Variants in MAP2K3 observed in about 807,000 individuals in gnomAD.
MAP2K3 encodes the protein dual specificity mitogen-activated protein kinase kinase 3.
A neutral mutation model predicts 46.4 loss-of-function variants in MAP2K3; 30 were observed. That is an observed-to-expected ratio of 0.65 (90% CI 0.48 to 0.88). MAP2K3 has a LOEUF of 0.88. MAP2K3 is among the 40% of genes least tolerant of loss of function. The pLI is 0.00. For missense variants in MAP2K3, 380 were observed against 464.5 expected (o/e 0.82, Z 1.67); for synonymous variants, 189 against 176.3 (o/e 1.07, Z -0.57).
At chr17:21,314,095 C>T (rs1597509812) in intron 11 of MAP2K3, 52 bp from the exon 12 acceptor site, 2 of 1,441,230 alleles carry the variant, frequency 1.4e-6, no homozygotes, top group Non-Finnish European at 2.0e-6. Context: ...AGAGTGGCCA[C>T]CTCTCCCTCC....
At chr17:21,311,068 C>T (rs1224309116) in intron 9 of MAP2K3, among the ~76,000 whole-genome samples, 25 of 152,292 alleles carry the variant, frequency 1.6e-4, no homozygotes, top group East Asian at 7.7e-4. Flanking sequence ...TGCACACACA[C>T]GCAGTGGGCC....
rs987649419 is a variant in MAP2K3, at chr17:21,290,823, C to T, written c.49+5854C>T. 7.2e-5 allele frequency among the ~76,000 whole-genome samples: 11 copies of T among 152,420 alleles called. No individual in the cohort carries two copies. In the East Asian group the frequency reaches 7.7e-4, roughly 11 times the overall value. ...AAGATTAGCTGGGCATGGTGGCACA[C>T]GTCTGTAGTCTCAGCTACTCAGGAG... On this transcript the variant is annotated intron_variant, in intron 1 of 11. Transcript: ENST00000342679.
chr17:21,295,917 G>A, intron 1 of MAP2K3: 2 of 1,263,638 alleles, frequency 1.6e-6, no homozygotes, highest in South Asian at 2.5e-5. Context: ...ACAGGGAAAG[G>A]GTGGGACTCA....
chr17:21,304,475 G>A lies in MAP2K3; in HGVS notation c.618G>A (p.Met206Ile), dbSNP rs763652051. The A allele has an allele frequency of 9.9e-6, 16 of 1,614,306 alleles. No individual in the cohort carries two copies. The highest frequency in any genetic ancestry group is 1.4e-5 in the Non-Finnish European group (16 of 1,180,046). ...TCAACAAGGAGGGCCATGTGAAGAT[G>A]TGTGACTTTGGCATCAGTGGCTACT... ...VLINKEGHVK[M>I]CDFGISGYLV... The change falls in exon 8 of 12, where the codon ATG becomes ATA. Residue 206 changes from methionine (M) to isoleucine (I), a missense_variant. Around this residue, in one of 5 missense-constraint regions of MAP2K3, gnomAD observed 13 missense variants for 32.7 expected, o/e 0.40. Transcript: ENST00000342679.
At chr17:21,298,259 AGGCCTAAC>A in intron 1 of MAP2K3, 146 bp from the exon 2 acceptor site, 1 of 1,094,038 alleles carries the variant, frequency 9.1e-7, no homozygotes, top group South Asian at 1.2e-5. Flanking sequence ...CCCCCTTTGA[AGGCCTAAC>A]GGCCTGGCTT....
At chr17:21,291,373 C>CAACACAACACAACAT (rs1555547354) in intron 1 of MAP2K3, 2 of 439,972 alleles carry the variant, frequency 4.5e-6, no homozygotes, top group African/African-American at 4.0e-5. Context: ...CAACACAACA[C>CAACACAACACAACAT]AACACGTAGT....
chr17:21,287,366 T>C (rs1975751092), intron 1 of MAP2K3, among the ~76,000 whole-genome samples: 1 of 152,230 alleles, frequency 6.6e-6, no homozygotes, highest in East Asian at 1.9e-4. Context: ...ACTGCCCCCA[T>C]AGGTGGAGAG....
intron 1 of MAP2K3, among the ~76,000 whole-genome samples, chr17:21,285,772 G>C (rs914169198): frequency 1.3e-5 from 2 of 152,180 alleles, no homozygotes; most frequent in Non-Finnish European, 2.9e-5. Flanking sequence ...GCCAGGCCAG[G>C]GTGCTGGCTG....
intron 9 of MAP2K3, 23 bp downstream of exon 9, chr17:21,305,151 G>A (rs1416632394): frequency 2.5e-6 from 4 of 1,614,286 alleles, no homozygotes; most frequent in East Asian, 2.2e-5. Context: ...GCCAGGGCCT[G>A]CCCTTGGTGG....
chr17:21,295,972 T>G (rs1321777444), intron 1 of MAP2K3: 2 of 1,260,212 alleles, frequency 1.6e-6, no homozygotes, highest in Non-Finnish European at 1.0e-6. Context: ...TGTGCAGAGC[T>G]TTAATTTTTA....
intron 7 of MAP2K3, 130 bp from the exon 8 acceptor site, chr17:21,304,288 TGCAACCTG>T (rs1369254899): frequency 1.3e-6 from 2 of 1,490,100 alleles, no homozygotes; most frequent in African/African-American, 2.8e-5. Flanking sequence ...GGGACCCTGG[TGCAACCTG>T]CCCACTGGGG....
rs547826860 is a variant in MAP2K3 at position 21,308,528 on chromosome 17, G to T, written c.774+3400G>T. 2.5e-3 allele frequency among the ~76,000 whole-genome samples: 377 copies of T among 152,396 alleles called. 1 individual carries two copies. The highest frequency in any genetic ancestry group is 8.7e-3 in the African/African-American group (361 of 41,598). On this transcript the variant is annotated intron_variant, in intron 9 of 11. Transcript: ENST00000342679. ...CAGTGACTGGGAAAGACTCAAAGTC[G>T]AAATAATTTTGTCAGAGAGGTGGGA...
At chr17:21,309,214 G>A (rs1189601646) in intron 9 of MAP2K3, among the ~76,000 whole-genome samples, 1 of 152,310 alleles carries the variant, frequency 6.6e-6, no homozygotes, top group African/African-American at 2.4e-5. Context: ...ATGATGGCTG[G>A]CATCTAAAAG....
At chr17:21,293,541 C>A (rs927216797) in intron 1 of MAP2K3, among the ~76,000 whole-genome samples, 12 of 152,310 alleles carry the variant, frequency 7.9e-5, no homozygotes, top group African/African-American at 2.9e-4. Flanking sequence ...GGAGCATCAC[C>A]GGGGAGGGGG....
chr17:21,296,583 C>T (rs1265605014), intron 1 of MAP2K3, among the ~76,000 whole-genome samples: 1 of 152,304 alleles, frequency 6.6e-6, no homozygotes, highest in Non-Finnish European at 1.5e-5. Context: ...GGAGTGACTC[C>T]TGGCCAGACC....
intron 9 of MAP2K3, among the ~76,000 whole-genome samples, chr17:21,311,434 C>T (rs922981003): frequency 2.0e-5 from 3 of 152,050 alleles, no homozygotes; most frequent in Admixed American, 6.5e-5. Flanking sequence ...AGAGACCCAC[C>T]GGCCCGATGT....
chr17:21,306,189 A>G (rs1976883828), intron 9 of MAP2K3, among the ~76,000 whole-genome samples: 1 of 152,198 alleles, frequency 6.6e-6, no homozygotes, highest in African/African-American at 2.4e-5. Flanking sequence ...CCAACATCAC[A>G]CACCAGTTGG....
chr17:21,315,240 AG>A (rs1977350251), downstream of MAP2K3: 4 of 142,946 alleles, frequency 2.8e-5, no homozygotes, highest in Non-Finnish European at 6.0e-5. Flanking sequence ...AAAGGACTAA[AG>A]GTTGTGTGAG....
Position 21,304,422 on chromosome 17 carries a change from G to A in MAP2K3, c.569-4G>A. 6.2e-7 allele frequency: 1 copy of A among 1,614,308 alleles called. No homozygotes were observed. Among genetic ancestry groups the A allele is most frequent in the African/African-American group, 1.3e-5 (1 of 75,090 alleles). On this transcript the variant is annotated splice_polypyrimidine_tract_variant and splice_region_variant and intron_variant, in intron 7 of 11. Coordinates refer to ENST00000342679, the MANE Select transcript of MAP2K3 (RefSeq NM_145109.3). ...CGTGGCTGAGGCATGTCCCTCCCTG[G>A]CAGATGTGAAGCCCTCCAATGTCCT...
Sources: allele counts gnomAD v4.1 joint callset (sites outside exome capture counted in the v4.1 genomes callset), GRCh38; gene constraint gnomAD v4.1.1; regional missense constraint gnomAD v4.1.1; transcripts MANE v1.5; gene names NCBI Gene and HGNC (gene_info 2026-07-23, HGNC 2026-07-21).